KDM4C: variants seen among roughly 807,000 people sequenced by gnomAD.
KDM4C encodes lysine-specific demethylase 4C.
In KDM4C, 81 loss-of-function variants were observed where a neutral mutation model predicts 129.3. The ratio of observed to expected loss-of-function variants is 0.63; its 90% confidence interval spans 0.52 to 0.75. The LOEUF (loss-of-function observed/expected upper bound fraction) is 0.75. Ranked by LOEUF, KDM4C falls within the 30% of genes least tolerant of loss-of-function variation. The probability of loss-of-function intolerance (pLI) is 0.00; values close to 1 mark genes in which losing one functional copy is unlikely to be tolerated. For synonymous variants in KDM4C, 573 were observed against 456.1 expected, an observed-to-expected ratio of 1.26 and a Z score of -3.26; for missense variants, 1,457 against 1,304.0, an observed-to-expected ratio of 1.12 and a Z score of -1.81.
intron 1 of KDM4C, among the ~76,000 whole-genome samples, chr9:6,747,111 T>C (rs1817908091): frequency 6.6e-6 from 1 of 151,542 alleles, no homozygotes; most frequent in Non-Finnish European, 1.5e-5. Flanking sequence ...GAGGATTGCT[T>C]GAGCCCAGGG....
chr9:7,038,275 C>T (rs984911180), intron 15 of KDM4C, among the ~76,000 whole-genome samples: 5 of 151,926 alleles, frequency 3.3e-5, no homozygotes, highest in African/African-American at 4.8e-5. Context: ...AGAAAGTCTC[C>T]CATTTCCAAC....
intron 18 of KDM4C, among the ~76,000 whole-genome samples, chr9:7,126,681 G>T (rs1840056315): frequency 6.6e-6 from 1 of 152,088 alleles, no homozygotes; most frequent in Admixed American, 6.6e-5. Context: ...TACTGGAAAG[G>T]TTGAGAATCA....
At chr9:6,988,474 A>G (rs1818134347) in intron 11 of KDM4C, among the ~76,000 whole-genome samples, 1 of 150,438 alleles carries the variant, frequency 6.6e-6, no homozygotes, top group Non-Finnish European at 1.5e-5. Context: ...CTGTAAGAAC[A>G]ACTGCATGAC....
chr9:7,150,126 G>A (rs944199234), intron 19 of KDM4C, among the ~76,000 whole-genome samples: 2 of 152,164 alleles, frequency 1.3e-5, no homozygotes, highest in African/African-American at 4.8e-5. Flanking sequence ...CCAGCTATGC[G>A]AGCCCAAACG....
At chr9:6,825,076 G>A (rs1268582903) in intron 4 of KDM4C, among the ~76,000 whole-genome samples, 1 of 150,616 alleles carries the variant, frequency 6.6e-6, no homozygotes, top group Non-Finnish European at 1.5e-5. Context: ...AACCCAAGAG[G>A]CAGAGGTTGC....
At chr9:6,888,515 C>G (rs1313761458) in intron 7 of KDM4C, among the ~76,000 whole-genome samples, 1 of 152,070 alleles carries the variant, frequency 6.6e-6, no homozygotes, top group Non-Finnish European at 1.5e-5. Context: ...ATAAAATTGC[C>G]TGATGATTTA....
At chr9:6,845,121 T>A (rs1837623671) in intron 4 of KDM4C, among the ~76,000 whole-genome samples, 1 of 152,208 alleles carries the variant, frequency 6.6e-6, no homozygotes, top group South Asian at 2.1e-4. Context: ...CATGTTGCTG[T>A]GTTGTTCCCT....
intron 9 of KDM4C, 47 bp downstream of exon 9, chr9:6,981,165 T>A (rs752258214): frequency 3.4e-6 from 5 of 1,486,486 alleles, no homozygotes; most frequent in Non-Finnish European, 4.5e-6. Flanking sequence ...TCGTGTTTTC[T>A]CAGTTAAAAT....
At chr9:6,953,441 C>G (rs1485445716) in intron 8 of KDM4C, among the ~76,000 whole-genome samples, 1 of 152,210 alleles carries the variant, frequency 6.6e-6, no homozygotes, top group South Asian at 2.1e-4. Context: ...TTAATACTTG[C>G]AATGCAATAA....
At chr9:6,872,043 G>A (rs1248322006) in intron 5 of KDM4C, among the ~76,000 whole-genome samples, 2 of 152,182 alleles carry the variant, frequency 1.3e-5, no homozygotes, top group South Asian at 4.1e-4. Flanking sequence ...ATTGAAACAC[G>A]GAGAGGGGTA....
chr9:7,093,489 G>A (rs755391824), intron 17 of KDM4C, among the ~76,000 whole-genome samples: 73 of 151,984 alleles, frequency 4.8e-4, no homozygotes, highest in Non-Finnish European at 7.5e-4. Context: ...ACATGTGTGC[G>A]TGGTTATTGT....
At chr9:6,978,338 T>G (rs1833277173) in intron 8 of KDM4C, among the ~76,000 whole-genome samples, 1 of 148,072 alleles carries the variant, frequency 6.8e-6, no homozygotes, top group Admixed American at 6.8e-5. Context: ...CAAATAAACT[T>G]TAAAGGTGTA....
intron 18 of KDM4C, among the ~76,000 whole-genome samples, chr9:7,119,635 G>GA (rs74984618): frequency 3.9e-4 from 51 of 130,680 alleles, no homozygotes; most frequent in Admixed American, 7.5e-4. Flanking sequence ...AAAGGAAAAA[G>GA]AAAAAAAAAA....
At chr9:7,011,657 G>T (rs187395378) in intron 12 of KDM4C, 41 bp from the exon 13 acceptor site, 663 of 1,560,682 alleles carry the variant, frequency 4.2e-4, no homozygotes, top group Admixed American at 5.7e-4. Context: ...TGTTTTCCCT[G>T]GTTCCCATGC....
chr9:6,928,683 A>G (rs10975902), intron 8 of KDM4C, among the ~76,000 whole-genome samples: 13,807 of 150,436 alleles, frequency 0.092, 1,769 homozygotes, highest in African/African-American at 0.29. Context: ...CGTGCCCGTT[A>G]TTTTTTATCG....
intron 4 of KDM4C, among the ~76,000 whole-genome samples, chr9:6,848,307 A>G (rs573597169): frequency 6.6e-6 from 1 of 152,320 alleles, no homozygotes; most frequent in Non-Finnish European, 1.5e-5. Flanking sequence ...TTAGAATTTG[A>G]TAAAAATATA....
intron 4 of KDM4C, among the ~76,000 whole-genome samples, chr9:6,847,041 C>A (rs956290853): frequency 6.6e-6 from 1 of 152,082 alleles, no homozygotes; most frequent in South Asian, 2.1e-4. Flanking sequence ...TCCCCTCATA[C>A]CATGGGTCTA....
intron 8 of KDM4C, among the ~76,000 whole-genome samples, chr9:6,916,239 CG>C (rs34950127): frequency 0.48 from 73,333 of 151,538 alleles, 19,300 homozygotes; most frequent in Non-Finnish European, 0.61. Context: ...CAGAGTTATC[CG>C]GACCTTTTTT....
intron 8 of KDM4C, among the ~76,000 whole-genome samples, chr9:6,919,223 C>CTTCTTTCTTTCTTTCT (rs1554643688): frequency 1.1e-4 from 12 of 108,912 alleles, no homozygotes; most frequent in African/African-American, 3.7e-4. Context: ...TTTCTTTTTC[C>CTTCTTTCTTTCTTTCT]TTCTTTCTTT....
Sources: allele counts gnomAD v4.1 joint callset (sites outside exome capture counted in the v4.1 genomes callset), GRCh38; gene constraint gnomAD v4.1.1; transcripts MANE v1.5; gene names NCBI Gene and HGNC (gene_info 2026-07-23, HGNC 2026-07-21).